Variants in PPARGC1A observed in about 807,000 individuals in gnomAD.
The protein encoded by PPARGC1A is peroxisome proliferator-activated receptor gamma coactivator 1-alpha.
In PPARGC1A, 25 loss-of-function variants were observed where a neutral mutation model predicts 88.7. That is an observed-to-expected ratio of 0.28 (90% CI 0.21 to 0.39). The LOEUF (loss-of-function observed/expected upper bound fraction) is 0.39, where lower values mean the gene tolerates loss of function less well. PPARGC1A is among the 10% of genes least tolerant of loss of function. The probability of loss-of-function intolerance (pLI) is 1.00; values close to 1 mark genes in which losing one functional copy is unlikely to be tolerated. For missense variants in PPARGC1A, 880 were observed against 968.7 expected (o/e 0.91, Z 1.22); for synonymous variants, 363 against 355.6 (o/e 1.02, Z -0.24).
At chr4:24,337,581 C>G in the PPARGC1A span, among the ~76,000 whole-genome samples, 5 of 151,834 alleles carry the variant, frequency 3.3e-5, no homozygotes, top group Non-Finnish European at 7.4e-5. Context: ...TCTGACCAGT[C>G]CCTAGGTGAC....
the PPARGC1A span, among the ~76,000 whole-genome samples, chr4:24,084,227 G>C: frequency 6.6e-6 from 1 of 152,222 alleles, no homozygotes; most frequent in Non-Finnish European, 1.5e-5. Flanking sequence ...ATCAGTACTG[G>C]TTAGTCCTGG....
chr4:23,901,898 A>T (rs1719433460), upstream of PPARGC1A, among the ~76,000 whole-genome samples: 1 of 152,106 alleles, frequency 6.6e-6, no homozygotes, highest in Non-Finnish European at 1.5e-5. Context: ...TTTTTCTTTA[A>T]AGCAATTTTC....
chr4:24,029,308 A>C, the PPARGC1A span, among the ~76,000 whole-genome samples: 1 of 152,214 alleles, frequency 6.6e-6, no homozygotes. Context: ...GGTGGAAAAC[A>C]ATTCAATGCC....
the PPARGC1A span, among the ~76,000 whole-genome samples, chr4:24,241,206 T>C: frequency 6.6e-6 from 1 of 152,088 alleles, no homozygotes; most frequent in African/African-American, 2.4e-5. Flanking sequence ...GATCACTCTT[T>C]TACAAAATAT....
At chr4:24,005,791 A>G in the PPARGC1A span, among the ~76,000 whole-genome samples, 53 of 152,154 alleles carry the variant, frequency 3.5e-4, no homozygotes, top group African/African-American at 1.2e-3. Context: ...AAAAAAAAAG[A>G]TGGAGCAGAA....
chr4:24,450,238 C>T, the PPARGC1A span, among the ~76,000 whole-genome samples: 1 of 152,164 alleles, frequency 6.6e-6, no homozygotes, highest in Non-Finnish European at 1.5e-5. Context: ...TCTCTCTCTC[C>T]CTCCTTTTAT....
chr4:24,077,342 C>G, the PPARGC1A span, among the ~76,000 whole-genome samples: 1 of 152,030 alleles, frequency 6.6e-6, no homozygotes, highest in Non-Finnish European at 1.5e-5. Flanking sequence ...ATACTTTATT[C>G]CATTCCAAAA....
the PPARGC1A span, among the ~76,000 whole-genome samples, chr4:24,054,142 C>A: frequency 2.0e-5 from 3 of 152,024 alleles, no homozygotes; most frequent in Non-Finnish European, 4.4e-5. Context: ...GAGGATAGAA[C>A]CAGCTGTTTG....
At chr4:24,048,108 C>T in the PPARGC1A span, among the ~76,000 whole-genome samples, 6 of 152,180 alleles carry the variant, frequency 3.9e-5, no homozygotes, top group African/African-American at 1.4e-4. Flanking sequence ...TTTTCCTTTG[C>T]TATTTTCTTC....
At chr4:24,013,824 T>C in the PPARGC1A span, among the ~76,000 whole-genome samples, 1 of 152,308 alleles carries the variant, frequency 6.6e-6, no homozygotes, top group Admixed American at 6.5e-5. Flanking sequence ...GAAGCACTGC[T>C]AGGGTGCCAA....
the PPARGC1A span, among the ~76,000 whole-genome samples, chr4:24,145,319 C>T: frequency 2.0e-5 from 3 of 152,270 alleles, no homozygotes; most frequent in South Asian, 2.1e-4. Context: ...ACCCTCATAG[C>T]ATGGTGCCTT....
At chr4:24,159,235 G>A in the PPARGC1A span, among the ~76,000 whole-genome samples, 24 of 113,426 alleles carry the variant, frequency 2.1e-4, no homozygotes, top group Non-Finnish European at 3.5e-4. Flanking sequence ...TTTTTGAGAT[G>A]GAGCCTCGCT....
At chr4:24,009,406 A>G in the PPARGC1A span, among the ~76,000 whole-genome samples, 73 of 152,298 alleles carry the variant, frequency 4.8e-4, no homozygotes, top group South Asian at 6.2e-4. Flanking sequence ...TGATGATGGC[A>G]TGAGGGTTAT....
the PPARGC1A span, among the ~76,000 whole-genome samples, chr4:24,060,802 C>T: frequency 0.022 from 3,359 of 152,168 alleles, 50 homozygotes; most frequent in Non-Finnish European, 0.035. Context: ...GCACTGGGCA[C>T]GTATTAGTAA....
chr4:23,889,507 T>A, intron 1 of PPARGC1A: 1 of 425,142 alleles, frequency 2.4e-6, no homozygotes, highest in Non-Finnish European at 3.1e-6. Context: ...CATTTTAATA[T>A]TTTTATCTTC....
At chr4:24,145,695 G>A in the PPARGC1A span, among the ~76,000 whole-genome samples, 1 of 152,134 alleles carries the variant, frequency 6.6e-6, no homozygotes, top group East Asian at 1.9e-4. Flanking sequence ...TTCGACTTAG[G>A]TTTATAAACA....
At chr4:24,020,176 C>T in the PPARGC1A span, among the ~76,000 whole-genome samples, 12 of 152,176 alleles carry the variant, frequency 7.9e-5, no homozygotes, top group Non-Finnish European at 1.8e-4. Flanking sequence ...CAGTCTACCA[C>T]CCAAAAGCTG....
chr4:24,187,584 C>T, the PPARGC1A span, among the ~76,000 whole-genome samples: 3,760 of 152,252 alleles, frequency 0.025, 154 homozygotes, highest in African/African-American at 0.085. Context: ...GTATCTCCCT[C>T]TAAGAAAGAG....
chr4:23,977,507 G>T, the PPARGC1A span, among the ~76,000 whole-genome samples: 1 of 152,102 alleles, frequency 6.6e-6, no homozygotes, highest in African/African-American at 2.4e-5. Flanking sequence ...CTTATATAGG[G>T]CTACAATGAG....
Sources: gnomAD v4.1 joint callset for allele counts (sites outside exome capture counted in the v4.1 genomes callset) on GRCh38, gnomAD v4.1.1 for gene constraint, MANE v1.5 for transcripts, NCBI Gene and HGNC (gene_info 2026-07-23, HGNC 2026-07-21) for gene names.